PPP4R3B: variants seen among roughly 807,000 people sequenced by gnomAD.
PPP4R3B encodes the protein protein phosphatase 4 regulatory subunit 3B, also known as serine/threonine-protein phosphatase 4 regulatory subunit 3B.
In PPP4R3B, 52 loss-of-function variants were observed where a neutral mutation model predicts 95.4. The ratio of observed to expected loss-of-function variants is 0.54; its 90% CI spans 0.44 to 0.69. The LOEUF is 0.69. Among genes scored for constraint, PPP4R3B ranks in the 30% least tolerant of loss-of-function variants. The probability of loss-of-function intolerance (pLI) is 0.00; values close to 1 mark genes in which losing one functional copy is unlikely to be tolerated. For synonymous variants in PPP4R3B, 407 were observed against 343.9 expected, an observed-to-expected ratio of 1.18 and a Z score of -2.03; for missense variants, 1,003 against 1,005.9, an observed-to-expected ratio of 1.00 and a Z score of 0.04.
intron 2 of PPP4R3B, among the ~76,000 whole-genome samples, chr2:55,610,038 C>A (rs1417014598): frequency 6.6e-6 from 1 of 152,006 alleles, no homozygotes; most frequent in Non-Finnish European, 1.5e-5. Flanking sequence ...TAATGTAAAC[C>A]TGCTTAACTT....
At chr2:55,550,100 G>A (rs986748908) in intron 16 of PPP4R3B, 94 bp from the exon 17 acceptor site, 4 of 818,750 alleles carry the variant, frequency 4.9e-6, no homozygotes, top group Admixed American at 2.7e-5. Flanking sequence ...ATCAGAAATC[G>A]TTTTTCTAAA....
intron 13 of PPP4R3B, chr2:55,567,976 A>G (rs1162499444): frequency 3.7e-6 from 1 of 269,388 alleles, no homozygotes; most frequent in Non-Finnish European, 6.8e-6. Context: ...CAGTGTCAAA[A>G]GTAAAAACCA....
intron 12 of PPP4R3B, among the ~76,000 whole-genome samples, chr2:55,572,908 G>A (rs891999949): frequency 5.9e-5 from 9 of 152,098 alleles, no homozygotes; most frequent in Admixed American, 2.0e-4. Flanking sequence ...ATACAATATT[G>A]ATTAATCTAG....
intron 15 of PPP4R3B, among the ~76,000 whole-genome samples, chr2:55,561,238 A>G (rs1558948748): frequency 6.6e-6 from 1 of 152,216 alleles, no homozygotes; most frequent in Non-Finnish European, 1.5e-5. Flanking sequence ...GGGTAGAGGC[A>G]AGAACTGAGG....
chr2:55,563,585 G>C (rs1455612592), intron 15 of PPP4R3B, among the ~76,000 whole-genome samples: 2 of 151,962 alleles, frequency 1.3e-5, no homozygotes, highest in African/African-American at 4.8e-5. Flanking sequence ...TGTTACCCAG[G>C]GTGGTTTGGA....
In PPP4R3B at chr2:55,569,812, T is replaced by C. The variant is rs192829341; in HGVS notation, c.1766-1449A>G. Among the ~76,000 whole-genome samples, 828 of 152,240 alleles carry C rather than the reference T, an allele frequency of 5.4e-3. 3 individuals are homozygous for C. Among genetic ancestry groups the C allele is most frequent in the Non-Finnish European group, 9.2e-3 (627 of 68,014 alleles). Reference sequence around the variant, plus strand: ...TGTCTTTTCTTTTATCTCTTTGTCTTGTGTCTTTATTTCTACAATCTCTCA... The same window carrying C: ...TGTCTTTTCTTTTATCTCTTTGTCTCGTGTCTTTATTTCTACAATCTCTCA... On this transcript the variant is annotated intron_variant, in intron 12 of 16. Coordinates refer to ENST00000616407, the MANE Select transcript of PPP4R3B (RefSeq NM_001122964.3).
intron 3 of PPP4R3B, among the ~76,000 whole-genome samples, chr2:55,599,367 G>A (rs1266190314): frequency 2.0e-5 from 3 of 152,198 alleles, no homozygotes; most frequent in Non-Finnish European, 2.9e-5. Flanking sequence ...GAACCTGGAA[G>A]GTGGAGGTTG....
At chr2:55,584,137 C>G (rs1040648570) in intron 7 of PPP4R3B, among the ~76,000 whole-genome samples, 1 of 151,910 alleles carries the variant, frequency 6.6e-6, no homozygotes, top group Non-Finnish European at 1.5e-5. Context: ...CAAGAGTGAA[C>G]CTCTGTCTCA....
At chr2:55,588,673 T>A (rs1466467383) in intron 5 of PPP4R3B, among the ~76,000 whole-genome samples, 1 of 152,130 alleles carries the variant, frequency 6.6e-6, no homozygotes, top group Non-Finnish European at 1.5e-5. Flanking sequence ...CATCAGAACA[T>A]CCTAAGAAGT....
chr2:55,574,863 G>A (rs1309018836), intron 11 of PPP4R3B, among the ~76,000 whole-genome samples: 1 of 151,168 alleles, frequency 6.6e-6, no homozygotes, highest in African/African-American at 2.4e-5. Flanking sequence ...CAAAGTGCTG[G>A]CATTACAGGC....
intron 12 of PPP4R3B, 80 bp from the exon 13 acceptor site, chr2:55,568,443 C>CA: frequency 1.7e-6 from 2 of 1,146,690 alleles, no homozygotes. Context: ...CACCATAAAG[C>CA]AATGTATATG....
chr2:55,601,233 T>C (rs2103709758), intron 3 of PPP4R3B, among the ~76,000 whole-genome samples: 1 of 151,500 alleles, frequency 6.6e-6, no homozygotes, highest in South Asian at 2.1e-4. Flanking sequence ...AACAGATGCC[T>C]GGAAGGGTTA....
chr2:55,577,814 T>C (rs1169743535), intron 10 of PPP4R3B, among the ~76,000 whole-genome samples: 1 of 151,746 alleles, frequency 6.6e-6, no homozygotes, highest in Non-Finnish European at 1.5e-5. Flanking sequence ...ATGCTTTAAA[T>C]TAAAAAAAAA....
chr2:55,593,608 T>A lies in PPP4R3B; in HGVS notation c.922-4652A>T, dbSNP rs188510610. Among the ~76,000 whole-genome samples, 451 of 152,248 alleles carry A rather than the reference T, an allele frequency of 3.0e-3. 2 individuals are homozygous for A. Among genetic ancestry groups the A allele is most frequent in the Admixed American group, 8.4e-3 (128 of 15,292 alleles). On this transcript the variant is annotated intron_variant, in intron 4 of 16. Coordinates refer to ENST00000616407, the MANE Select transcript of PPP4R3B (RefSeq NM_001122964.3). Reference sequence around the variant, plus strand: ...GAGTGAGACTTTAGGAAATAAGTGCTTAGAGGCCACTGTAGGGCCAGGTGT... The same window carrying A: ...GAGTGAGACTTTAGGAAATAAGTGCATAGAGGCCACTGTAGGGCCAGGTGT...
intron 2 of PPP4R3B, among the ~76,000 whole-genome samples, chr2:55,611,693 T>C (rs1397303137): frequency 3.3e-5 from 5 of 152,214 alleles, no homozygotes; most frequent in African/African-American, 1.2e-4. Context: ...AACTATAATG[T>C]TAAAAGAAGA....
At chr2:55,571,366 G>T (rs1265381725) in intron 12 of PPP4R3B, among the ~76,000 whole-genome samples, 1 of 152,080 alleles carries the variant, frequency 6.6e-6, no homozygotes, top group African/African-American at 2.4e-5. Context: ...GAAGTATTCT[G>T]CAGTCATCGA....
At chr2:55,555,846 T>C (rs987955549) in intron 16 of PPP4R3B, among the ~76,000 whole-genome samples, 6 of 152,206 alleles carry the variant, frequency 3.9e-5, no homozygotes, top group African/African-American at 1.2e-4. Flanking sequence ...AGAAGCAAAA[T>C]AACAGGTTTC....
intron 2 of PPP4R3B, among the ~76,000 whole-genome samples, chr2:55,606,270 T>C (rs1247415548): frequency 1.3e-5 from 2 of 152,160 alleles, no homozygotes; most frequent in African/African-American, 4.8e-5. Flanking sequence ...GAAGATAACA[T>C]AAGCAAAATT....
At position 55,577,362 on chromosome 2, in the gene PPP4R3B, A is replaced by G. The variant is rs759916561; in HGVS notation, c.1565-6T>C. 1 of 1,472,644 alleles carries G rather than the reference A, an allele frequency of 6.8e-7. No individual in the cohort carries two copies. Among genetic ancestry groups the G allele is most frequent in the South Asian group, 1.4e-5 (1 of 69,662 alleles). The allele number at this position is 1,472,644 out of a possible 1,614,324, so 91.2% of individuals were successfully genotyped here. On this transcript the variant is annotated splice_polypyrimidine_tract_variant and splice_region_variant and intron_variant, in intron 10 of 16. Coordinates refer to ENST00000616407, the MANE Select transcript of PPP4R3B (RefSeq NM_001122964.3). ...GTTTGATCCAACTATATTATCTAATAAAAAAATTAAAAATTAAAATAAAAT... is the reference window on the plus strand; with the variant it reads ...GTTTGATCCAACTATATTATCTAATGAAAAAATTAAAAATTAAAATAAAAT...
Sources: allele counts gnomAD v4.1 joint callset (sites outside exome capture counted in the v4.1 genomes callset), GRCh38; gene constraint gnomAD v4.1.1; transcripts MANE v1.5; gene names NCBI Gene and HGNC (gene_info 2026-07-23, HGNC 2026-07-21).